Variants in CAPRIN2 observed in about 807,000 individuals in gnomAD.
CAPRIN2 encodes caprin family member 2.
CAPRIN2 carries 66 observed loss-of-function variants against 130.4 expected under a neutral mutation model. The ratio of observed to expected loss-of-function variants is 0.51; its 90% CI spans 0.42 to 0.62. The LOEUF is 0.62. Among genes scored for constraint, CAPRIN2 ranks in the 20% least tolerant of loss-of-function variants. CAPRIN2 has a pLI of 0.00. For synonymous variants in CAPRIN2, 471 were observed against 444.1 expected, an observed-to-expected ratio of 1.06 and a Z score of -0.76; for missense variants, 1,185 against 1,246.6, an observed-to-expected ratio of 0.95 and a Z score of 0.74.
intron 15 of CAPRIN2, among the ~76,000 whole-genome samples, chr12:30,712,965 C>T (rs893300117): frequency 3.9e-5 from 6 of 152,092 alleles, no homozygotes; most frequent in African/African-American, 1.4e-4. Context: ...TGGTCTCGAA[C>T]TCCTGACCTC....
intron 3 of CAPRIN2, among the ~76,000 whole-genome samples, chr12:30,740,084 A>C (rs943621355): frequency 1.3e-5 from 2 of 152,060 alleles, no homozygotes; most frequent in Non-Finnish European, 2.9e-5. Flanking sequence ...ATTCCAGAGG[A>C]ATGGAGAAGA....
chr12:30,725,215 C>A (rs760677353), intron 9 of CAPRIN2, among the ~76,000 whole-genome samples: 49 of 152,196 alleles, frequency 3.2e-4, no homozygotes, highest in Middle Eastern at 6.3e-3. Context: ...CTTGTATCTG[C>A]CTATCTCGGT....
At chr12:30,726,630 T>C (rs1006594108) in intron 8 of CAPRIN2, among the ~76,000 whole-genome samples, 1 of 152,192 alleles carries the variant, frequency 6.6e-6, no homozygotes, top group African/African-American at 2.4e-5. Context: ...TTGCTTAAAA[T>C]TGATGCACAT....
chr12:30,746,706 T>C (rs551570511), intron 2 of CAPRIN2, among the ~76,000 whole-genome samples: 2 of 152,298 alleles, frequency 1.3e-5, no homozygotes, highest in South Asian at 2.1e-4. Context: ...TTTTATTCTG[T>C]GAAGGCTGAG....
chr12:30,717,993 C>A (rs1442980838), intron 12 of CAPRIN2, among the ~76,000 whole-genome samples: 2 of 152,152 alleles, frequency 1.3e-5, no homozygotes, highest in Non-Finnish European at 2.9e-5. Flanking sequence ...TGTAACTATT[C>A]TTTAATCAAT....
chr12:30,733,693 C>T, exon 5 of CAPRIN2: 2 of 1,613,444 alleles, frequency 1.2e-6, no homozygotes, highest in Non-Finnish European at 1.7e-6. Context: ...AGGATGACTG[C>T]TCCATCTGGT....
chr12:30,753,744 T>C, exon 1 of CAPRIN2: 2 of 1,609,610 alleles, frequency 1.2e-6, no homozygotes, highest in Non-Finnish European at 1.7e-6. Context: ...CAATGATGCT[T>C]GAGATACTTG....
At chr12:30,719,272 A>G (rs1037100400) in intron 12 of CAPRIN2, 47 bp from the exon 14 acceptor site, 1 of 1,605,932 alleles carries the variant, frequency 6.2e-7, no homozygotes, top group South Asian at 1.1e-5. Context: ...CCATATAACA[A>G]GCAGTTAACT....
At chr12:30,751,815 A>G (rs947021515) in intron 1 of CAPRIN2, among the ~76,000 whole-genome samples, 1 of 151,994 alleles carries the variant, frequency 6.6e-6, no homozygotes, top group Non-Finnish European at 1.5e-5. Flanking sequence ...CTCATCTTGA[A>G]GTTATTTTTC....
chr12:30,725,684 A>C (rs145812556), intron 9 of CAPRIN2, among the ~76,000 whole-genome samples: 1 of 152,326 alleles, frequency 6.6e-6, no homozygotes, highest in African/African-American at 2.4e-5. Flanking sequence ...CAGTACTGAT[A>C]ATCTATAGCA....
At chr12:30,732,436 ATCC>A (rs755710413) in intron 5 of CAPRIN2, among the ~76,000 whole-genome samples, 21 of 151,792 alleles carry the variant, frequency 1.4e-4, no homozygotes, top group Non-Finnish European at 2.4e-4. Context: ...TACAGGCAAA[ATCC>A]TCCTATCTTA....
chr12:30,716,693 A>G lies in CAPRIN2; in HGVS notation c.2149-17T>C. On this transcript the variant is annotated splice_polypyrimidine_tract_variant and intron_variant, in intron 12 of 16. Transcript: ENST00000298892. ...GTTAAATACCTTAAAAGACAAGGAC[A>G]CACTGAGTCATTTGGGAAGTTTCAA... The G allele has an allele frequency of 2.5e-6, 4 of 1,605,834 alleles. No homozygotes were observed. The highest frequency in any genetic ancestry group is 3.4e-6 in the Non-Finnish European group (4 of 1,175,700).
chr12:30,751,360 T>C (rs1157714493), intron 1 of CAPRIN2: 1 of 524,158 alleles, frequency 1.9e-6, no homozygotes, highest in Non-Finnish European at 3.4e-6. Flanking sequence ...TAAGCAGTAA[T>C]AAAACTATTT....
intron 5 of CAPRIN2, among the ~76,000 whole-genome samples, chr12:30,732,724 C>G (rs557724741): frequency 1.3e-5 from 2 of 152,132 alleles, no homozygotes; most frequent in African/African-American, 4.8e-5. Flanking sequence ...ATCAATAGTT[C>G]CGTCCCTTTT....
Position 30,735,222 on chromosome 12 carries a change from G to A in CAPRIN2, c.571-16C>T. ...CTTTTAGTAGCTGTTAAAACAAATGGCTAATTAAGGGTAACAATTCTCTAC... is the reference window on the plus strand; with the variant it reads ...CTTTTAGTAGCTGTTAAAACAAATGACTAATTAAGGGTAACAATTCTCTAC... On this transcript the variant is annotated splice_polypyrimidine_tract_variant and intron_variant, in intron 3 of 16. Transcript: ENST00000298892. 1.3e-6 allele frequency: 2 copies of A among 1,580,792 alleles called. No homozygotes were observed. Among genetic ancestry groups the A allele is most frequent in the Non-Finnish European group, 1.7e-6 (2 of 1,149,968 alleles).
intron 12 of CAPRIN2, 46 bp from the exon 15 acceptor site, chr12:30,716,722 A>C (rs767335362): frequency 6.1e-5 from 97 of 1,581,942 alleles, no homozygotes; most frequent in Non-Finnish European, 8.0e-5. Flanking sequence ...GTTTCAAAGA[A>C]AATGCTTAAG....
At chr12:30,719,171 T>G (rs139975710) in intron 12 of CAPRIN2, 10 of 1,613,896 alleles carry the variant, frequency 6.2e-6, no homozygotes, top group Non-Finnish European at 8.5e-6. Flanking sequence ...CCCTTTGCCA[T>G]GGGAGGATTT....
At chr12:30,741,404 T>C (rs1180396405) in intron 2 of CAPRIN2, among the ~76,000 whole-genome samples, 1 of 152,180 alleles carries the variant, frequency 6.6e-6, no homozygotes, top group African/African-American at 2.4e-5. Flanking sequence ...TTAATAGCAC[T>C]GAGCCAATAG....
At chr12:30,750,490 T>C (rs2073199039) in intron 2 of CAPRIN2, among the ~76,000 whole-genome samples, 1 of 152,004 alleles carries the variant, frequency 6.6e-6, no homozygotes. Context: ...CATTGAGAAG[T>C]TAACCGATGG....
Sources: allele counts gnomAD v4.1 joint callset (sites outside exome capture counted in the v4.1 genomes callset), GRCh38; gene constraint gnomAD v4.1.1; transcripts MANE v1.5; gene names NCBI Gene and HGNC (gene_info 2026-07-23, HGNC 2026-07-21).